The following ARL6IP5 variants were observed in gnomAD, a reference collection of about 807,000 sequenced individuals.
ARL6IP5 encodes the protein ARF like GTPase 6 interacting protein 5, also known as PRA1 family protein 3.
Under a neutral mutation model 13.0 loss-of-function variants are expected in ARL6IP5, and 6 were observed. The observed-to-expected ratio is 0.46, with a 90% CI of 0.25 to 0.91. ARL6IP5 has a LOEUF of 0.91. Ranked by LOEUF, ARL6IP5 falls within the 40% of genes least tolerant of loss-of-function variation. The probability of loss-of-function intolerance (pLI) is 0.17; values close to 1 mark genes in which losing one functional copy is unlikely to be tolerated. For synonymous variants in ARL6IP5, 91 were observed against 91.9 expected (o/e 0.99, Z 0.06); for missense variants, 208 against 248.8 (o/e 0.84, Z 1.10).
intron 1 of ARL6IP5, chr3:69,089,812 A>G (rs979673953): frequency 2.2e-6 from 1 of 456,510 alleles, no homozygotes; most frequent in Non-Finnish European, 4.4e-6. Flanking sequence ...CCCCCTTTAG[A>G]TAGAACCATG....
At chr3:69,100,254 T>C (rs1575863482) in intron 1 of ARL6IP5, among the ~76,000 whole-genome samples, 1 of 152,320 alleles carries the variant, frequency 6.6e-6, no homozygotes, top group East Asian at 1.9e-4. Context: ...ATGTGTTTCC[T>C]CCATTATCAA....
intron 1 of ARL6IP5, among the ~76,000 whole-genome samples, chr3:69,098,077 C>A (rs1015904898): frequency 1.3e-5 from 2 of 150,830 alleles, no homozygotes; most frequent in African/African-American, 2.4e-5. Context: ...ATAGAAATTT[C>A]TATTTCTTTT....
intron 1 of ARL6IP5, among the ~76,000 whole-genome samples, chr3:69,093,014 A>T (rs1337505913): frequency 6.6e-6 from 1 of 152,188 alleles, no homozygotes; most frequent in Non-Finnish European, 1.5e-5. Flanking sequence ...TTAGTTTTCC[A>T]TAATGAAAAG....
At position 69,105,560 on chromosome 3, in the gene ARL6IP5, A is replaced by G. The variant is rs1267619327; in HGVS notation, c.*924A>G. 1 of 152,246 alleles carries G rather than the reference A, an allele frequency of 6.6e-6. No individual in the cohort carries two copies. Among genetic ancestry groups the G allele is most frequent in the Non-Finnish European group, 1.5e-5 (1 of 68,040 alleles). The allele number at this position is 152,246 out of a possible 1,614,324, so 9.4% of individuals were successfully genotyped here. ...GGCACAAGGAGGACAATAATAGCTG[A>G]TCTTTTGAAATTTGAAAAACGTCTT... On this transcript the variant is annotated 3_prime_UTR_variant, in exon 3 of 3. Transcript: ENST00000273258.
intron 1 of ARL6IP5, among the ~76,000 whole-genome samples, chr3:69,090,569 C>A (rs547309854): frequency 6.6e-6 from 1 of 152,170 alleles, no homozygotes; most frequent in Non-Finnish European, 1.5e-5. Context: ...AATTCCAAAT[C>A]TCTCAGGTGT....
At chr3:69,086,973 C>T (rs868125946) in intron 1 of ARL6IP5, among the ~76,000 whole-genome samples, 1 of 152,018 alleles carries the variant, frequency 6.6e-6, no homozygotes, top group Non-Finnish European at 1.5e-5. Context: ...GCTGGGATTA[C>T]AGGCGTGAGC....
intron 1 of ARL6IP5, among the ~76,000 whole-genome samples, chr3:69,096,365 T>C (rs56194306): frequency 0.036 from 5,447 of 152,252 alleles, 301 homozygotes; most frequent in East Asian, 0.27. Context: ...AACCTAAATA[T>C]GTATTTTACT....
intron 1 of ARL6IP5, among the ~76,000 whole-genome samples, chr3:69,093,561 G>A (rs1366098422): frequency 3.3e-5 from 5 of 152,008 alleles, no homozygotes; most frequent in East Asian, 1.9e-4. Flanking sequence ...TCAGGAGTTC[G>A]AGACCAGCCT....
At chr3:69,100,714 G>A (rs2092302376) in intron 1 of ARL6IP5, among the ~76,000 whole-genome samples, 1 of 151,662 alleles carries the variant, frequency 6.6e-6, no homozygotes, top group Admixed American at 6.6e-5. Flanking sequence ...CCAGGAGGCA[G>A]AGGTTGCAGT....
intron 1 of ARL6IP5, among the ~76,000 whole-genome samples, chr3:69,095,546 C>A (rs1347546250): frequency 6.6e-6 from 1 of 151,000 alleles, no homozygotes; most frequent in African/African-American, 2.4e-5. Context: ...GTCACCCACG[C>A]TGGAGTGGCA....
chr3:69,092,666 A>T (rs764654384), intron 1 of ARL6IP5, among the ~76,000 whole-genome samples: 30 of 151,902 alleles, frequency 2.0e-4, no homozygotes, highest in Admixed American at 6.6e-5. Context: ...TTACAGGCAC[A>T]CACAATTATG....
chr3:69,101,813 C>T lies in ARL6IP5; in HGVS notation c.177-26C>T, dbSNP rs780185665. On this transcript the variant is annotated intron_variant, in intron 1 of 2. Coordinates refer to ENST00000273258, the MANE Select transcript of ARL6IP5 (RefSeq NM_006407.4). ...ACTTCTATTGCTGAACTAGTCACCC[C>T]TCATTTTTTCTTCCTCATATTTCAG... 3 of 1,591,214 alleles carry T rather than the reference C, an allele frequency of 1.9e-6. No homozygotes were observed. The Admixed American group carries it at 5.2e-5, about 27-fold the overall frequency.
At chr3:69,094,031 G>C (rs1255244914) in intron 1 of ARL6IP5, among the ~76,000 whole-genome samples, 2 of 152,198 alleles carry the variant, frequency 1.3e-5, no homozygotes, top group Non-Finnish European at 2.9e-5. Context: ...GCTGAGACTT[G>C]AAGGAGGGTG....
At chr3:69,100,545 C>T (rs972611477) in intron 1 of ARL6IP5, among the ~76,000 whole-genome samples, 6 of 151,926 alleles carry the variant, frequency 3.9e-5, no homozygotes, top group Admixed American at 3.9e-4. Context: ...TTTGGGAGGC[C>T]GAGCTGGGCA....
At chr3:69,091,744 A>G (rs950146970) in intron 1 of ARL6IP5, among the ~76,000 whole-genome samples, 2 of 148,744 alleles carry the variant, frequency 1.3e-5, no homozygotes, top group Non-Finnish European at 3.0e-5. Context: ...AGGATTTACA[A>G]TGATTCTAGG....
chr3:69,103,032 G>A (rs138361987), intron 2 of ARL6IP5, among the ~76,000 whole-genome samples: 1 of 152,270 alleles, frequency 6.6e-6, no homozygotes, highest in African/African-American at 2.4e-5. Flanking sequence ...CATTTGACAT[G>A]TGCACTTATT....
rs1417214267 is a variant in ARL6IP5, at chr3:69,085,084, G to A, written c.37G>A (p.Asp13Asn). ...VNIAPLRAWDDFFPGSDRFAR... is the reference protein window; with the variant it reads ...VNIAPLRAWDNFFPGSDRFAR... ...TATCGCCCCACTCCGCGCCTGGGAC[G>A]ATTTCTTCCCGGGTTCCGATCGCTT... The change falls in exon 1 of 3, where the codon GAT becomes AAT. Residue 13 changes from aspartate to asparagine, a missense_variant. By Grantham distance (23) the Asp-to-Asn change is conservative. Coordinates refer to ENST00000273258, the MANE Select transcript of ARL6IP5 (RefSeq NM_006407.4). 5.6e-6 allele frequency: 9 copies of A among 1,614,080 alleles called. No individual in the cohort carries two copies. The highest frequency in any genetic ancestry group is 7.6e-6 in the Non-Finnish European group (9 of 1,180,050).
chr3:69,089,563 G>A (rs909977399), intron 1 of ARL6IP5, among the ~76,000 whole-genome samples: 2 of 151,498 alleles, frequency 1.3e-5, no homozygotes, highest in Non-Finnish European at 2.9e-5. Context: ...CCAACACTTC[G>A]GGAGGCAGAG....
chr3:69,104,655 AG>A lies in ARL6IP5; in HGVS notation c.*22del, dbSNP rs1366725834. 6.2e-7 allele frequency: 1 copy of A among 1,608,208 alleles called. No homozygotes were observed. The highest frequency in any genetic ancestry group is 8.5e-7 in the Non-Finnish European group (1 of 1,176,494). ...GGAATAAACATAACTTACCTGAGCT[AG>A]GGTTGCAGCAGAAATTGAGTTGCAG... is the stretch of plus-strand genomic sequence containing the variant. On this transcript the variant is annotated 3_prime_UTR_variant, in exon 3 of 3. Transcript: ENST00000273258.
Sources: gnomAD v4.1 joint callset for allele counts (sites outside exome capture counted in the v4.1 genomes callset) on GRCh38, gnomAD v4.1.1 for gene constraint, MANE v1.5 for transcripts, NCBI Gene and HGNC (gene_info 2026-07-23, HGNC 2026-07-21) for gene names.